The following WDFY4 variants were observed in gnomAD, a reference collection of about 807,000 sequenced individuals.
WDFY4 encodes WD repeat- and FYVE domain-containing protein 4.
In WDFY4, 169 loss-of-function variants were observed where a neutral mutation model predicts 351.9. The observed-to-expected ratio is 0.48, with a 90% confidence interval of 0.42 to 0.55. The LOEUF is 0.55. Among genes scored for constraint, WDFY4 ranks in the 20% least tolerant of loss-of-function variants. The probability of loss-of-function intolerance (pLI) is 0.00; values close to 1 mark genes in which losing one functional copy is unlikely to be tolerated. For synonymous variants in WDFY4, 1,622 were observed against 1,574.6 expected (o/e 1.03, Z -0.71); for missense variants, 3,803 against 3,935.6 (o/e 0.97, Z 0.90).
At chr10:48,743,747 G>C (rs1423087041) in intron 12 of WDFY4, among the ~76,000 whole-genome samples, 199 bp downstream of exon 12, 3 of 152,144 alleles carry the variant, frequency 2.0e-5, no homozygotes, top group African/African-American at 7.2e-5. Context: ...AATTCAATCT[G>C]AGTCAGTACT....
chr10:48,857,675 T>C (rs2069183565), intron 39 of WDFY4, among the ~76,000 whole-genome samples: 1 of 152,222 alleles, frequency 6.6e-6, no homozygotes, highest in Non-Finnish European at 1.5e-5. Context: ...TCTATATCCA[T>C]CTAGATGGGT....
At chr10:48,687,106 C>T (rs777299649) in intron 1 of WDFY4, among the ~76,000 whole-genome samples, 8 of 152,094 alleles carry the variant, frequency 5.3e-5, no homozygotes, top group Non-Finnish European at 1.2e-4. Context: ...TTTGCATTGA[C>T]CAAATTACTA....
intron 47 of WDFY4, among the ~76,000 whole-genome samples, chr10:48,906,537 T>C (rs1837625001): frequency 6.6e-6 from 1 of 152,208 alleles, no homozygotes; most frequent in South Asian, 2.1e-4. Context: ...GACAGGGCCT[T>C]CTAACATATG....
intron 47 of WDFY4, among the ~76,000 whole-genome samples, chr10:48,940,516 G>A (rs76377504): frequency 2.0e-4 from 30 of 152,336 alleles, no homozygotes; most frequent in African/African-American, 7.2e-4. Flanking sequence ...TGGGACACAC[G>A]GGCAGCCAGG....
chr10:48,981,515 G>A (rs746576905), intron 61 of WDFY4, 37 bp downstream of exon 61: 15 of 1,542,058 alleles, frequency 9.7e-6, no homozygotes, highest in East Asian at 2.4e-5. Context: ...CTCCAGCAGA[G>A]GGCACTGCAG....
chr10:48,972,995 G>A (rs1452498536), intron 57 of WDFY4, among the ~76,000 whole-genome samples: 1 of 152,182 alleles, frequency 6.6e-6, no homozygotes, highest in East Asian at 1.9e-4. Context: ...CTTGCAAATG[G>A]TAGGTGCTGG....
chr10:48,780,231 T>C, intron 19 of WDFY4, 112 bp downstream of exon 19: 1 of 1,344,940 alleles, frequency 7.4e-7, no homozygotes, highest in Middle Eastern at 1.9e-4. Flanking sequence ...TGTTTGTTTA[T>C]TACTGGTAGG....
At chr10:48,791,276 G>A (rs915830084) in intron 23 of WDFY4, among the ~76,000 whole-genome samples, 3 of 152,202 alleles carry the variant, frequency 2.0e-5, no homozygotes, top group Non-Finnish European at 4.4e-5. Context: ...CTTCTAATTT[G>A]CTATTTAACC....
intron 47 of WDFY4, among the ~76,000 whole-genome samples, chr10:48,920,345 A>G (rs1277185994): frequency 1.3e-5 from 2 of 148,560 alleles, no homozygotes; most frequent in South Asian, 2.2e-4. Context: ...GAAGGGGAGC[A>G]TCACACACCG....
chr10:48,711,195 GATGC>G (rs2063760224), intron 2 of WDFY4, among the ~76,000 whole-genome samples: 1 of 152,156 alleles, frequency 6.6e-6, no homozygotes, highest in Non-Finnish European at 1.5e-5. Context: ...ACGTTTATAG[GATGC>G]ATTCCATACT....
Position 48,782,873 on chromosome 10 carries a change from G to C in WDFY4, c.3576+2754G>C, listed in dbSNP as rs557162867. Reference sequence around the variant, plus strand: ...AGACATTTATTAGGCAACCTGAATGGGGCAGTGTGCATACACTGGGAATTT... The same window carrying C: ...AGACATTTATTAGGCAACCTGAATGCGGCAGTGTGCATACACTGGGAATTT... On this transcript the variant is annotated intron_variant, in intron 19 of 61. Transcript: ENST00000325239. 2.9e-3 allele frequency among the ~76,000 whole-genome samples: 436 copies of C among 152,274 alleles called. 2 individuals carry two copies. The highest frequency in any genetic ancestry group is 5.5e-3 in the Non-Finnish European group (374 of 68,020).
Position 48,968,921 on chromosome 10 carries a change from C to T in WDFY4, c.8585-143C>T, listed in dbSNP as rs1346323524. 17 of 811,390 alleles carry T rather than the reference C, an allele frequency of 2.1e-5. No individual in the cohort carries two copies. In the East Asian group the frequency reaches 4.6e-4, roughly 22 times the overall value. 50.3% of individuals were successfully genotyped at this position (811,390 alleles called of 1,614,324 possible). ...CCAGTGTGTCTGCCTGTCACTCCTG[C>T]CCAGGGCCCAGCTGCAGTGGGTGCT... is the stretch of plus-strand genomic sequence containing the variant. On this transcript the variant is annotated intron_variant, in intron 55 of 61. Transcript: ENST00000325239.
At chr10:48,769,364 G>A (rs2065785341) in intron 13 of WDFY4, among the ~76,000 whole-genome samples, 1 of 152,184 alleles carries the variant, frequency 6.6e-6, no homozygotes. Context: ...GTAGGCAGTG[G>A]TAAAAGCCAT....
chr10:48,710,077 T>C, intron 2 of WDFY4, 111 bp downstream of exon 2: 1 of 1,063,078 alleles, frequency 9.4e-7, no homozygotes, highest in Non-Finnish European at 1.3e-6. Context: ...GGACTCTGAT[T>C]GGTTGCTCAG....
At chr10:48,730,632 T>A (rs1207344347) in intron 8 of WDFY4, among the ~76,000 whole-genome samples, 1 of 152,166 alleles carries the variant, frequency 6.6e-6, no homozygotes, top group Non-Finnish European at 1.5e-5. Context: ...CTGAAACCAA[T>A]CCTCCTAGCC....
intron 2 of WDFY4, among the ~76,000 whole-genome samples, chr10:48,715,892 A>C (rs1372899501): frequency 6.7e-6 from 1 of 148,976 alleles, no homozygotes; most frequent in African/African-American, 2.5e-5. Context: ...CTTGTGATCC[A>C]CCTGCCTCGG....
rs757724649 is a variant in WDFY4 at position 48,957,143 on chromosome 10, C to T, written c.7992C>T (p.Asp2664=). The T allele has an allele frequency of 7.5e-5, 117 of 1,550,102 alleles. No individual in the cohort carries two copies. The highest frequency in any genetic ancestry group is 2.1e-4 in the African/African-American group (15 of 73,024). The change falls in exon 52 of 62, where the codon GAC becomes GAT. Residue 2664 remains aspartate, a synonymous_variant. Coordinates refer to ENST00000325239, the MANE Select transcript of WDFY4 (RefSeq NM_001394531.1). Reference sequence around the variant, plus strand: ...ATTTCCCCCAGGGCGGAAGCTTCGACGTGGCAGACAGAATGTTCCACAGTG... The same window carrying T: ...ATTTCCCCCAGGGCGGAAGCTTCGATGTGGCAGACAGAATGTTCCACAGTG... ...AFCALQGGSF[D]VADRMFHSVK... is the part of the protein sequence containing the mutation.
chr10:48,795,598 G>A (rs1187909783), intron 23 of WDFY4, among the ~76,000 whole-genome samples: 2 of 150,066 alleles, frequency 1.3e-5, no homozygotes. Flanking sequence ...GGCTTCCGAA[G>A]GGCACGTTGC....
At chr10:48,810,186 A>G (rs188055241) in intron 28 of WDFY4, among the ~76,000 whole-genome samples, 1 of 152,302 alleles carries the variant, frequency 6.6e-6, no homozygotes, top group Non-Finnish European at 1.5e-5. Context: ...ATGGTAATTA[A>G]ATTAGATGGG....
Sources: allele counts gnomAD v4.1 joint callset (sites outside exome capture counted in the v4.1 genomes callset), GRCh38; gene constraint gnomAD v4.1.1; transcripts MANE v1.5; gene names NCBI Gene and HGNC (gene_info 2026-07-23, HGNC 2026-07-21).